KANK1: variants seen among roughly 807,000 people sequenced by gnomAD.
KANK1 encodes KN motif and ankyrin repeat domain-containing protein 1.
In KANK1, 109 loss-of-function variants were observed where a neutral mutation model predicts 106.2. The ratio of observed to expected loss-of-function variants is 1.03; its 90% CI spans 0.88 to 1.20. The LOEUF (loss-of-function observed/expected upper bound fraction) is 1.20. Among genes scored for constraint, KANK1 ranks in the 50% most tolerant of loss-of-function variants. The pLI, the probability that KANK1 is intolerant of heterozygous loss-of-function variation, is 0.00. For missense variants in KANK1, 2,399 were observed against 1,710.7 expected, an observed-to-expected ratio of 1.40 and a Z score of -7.10; for synonymous variants, 873 against 652.2, an observed-to-expected ratio of 1.34 and a Z score of -5.16.
At chr9:724,393 G>A (rs1830136369) in intron 3 of KANK1, among the ~76,000 whole-genome samples, 1 of 152,068 alleles carries the variant, frequency 6.6e-6, no homozygotes, top group African/African-American at 2.4e-5. Context: ...ATCTACTTTT[G>A]TATCTGTTTT....
intron 1 of KANK1, among the ~76,000 whole-genome samples, chr9:542,339 A>G (rs2060653907): frequency 6.6e-6 from 1 of 152,248 alleles, no homozygotes; most frequent in Non-Finnish European, 1.5e-5. Flanking sequence ...TCTCTACTAA[A>G]AAATACAAAA....
At chr9:581,075 A>ACCTACCCAGAACTCCTGG (rs891799222) in intron 1 of KANK1, among the ~76,000 whole-genome samples, 4 of 151,872 alleles carry the variant, frequency 2.6e-5, no homozygotes, top group Non-Finnish European at 5.9e-5. Context: ...CCGAGCCCAC[A>ACCTACCCAGAACTCCTGG]CCTACCCAGA....
intron 2 of KANK1, among the ~76,000 whole-genome samples, chr9:705,450 C>T (rs755149713): frequency 6.6e-6 from 1 of 152,134 alleles, no homozygotes; most frequent in Non-Finnish European, 1.5e-5. Flanking sequence ...GGCGCCACTG[C>T]ACTCTAGCAA....
chr9:612,719 T>C (rs1830861301), intron 1 of KANK1, among the ~76,000 whole-genome samples: 1 of 152,122 alleles, frequency 6.6e-6, no homozygotes, highest in African/African-American at 2.4e-5. Flanking sequence ...AAGCCGGACA[T>C]CTCAGGCGGC....
intron 1 of KANK1, among the ~76,000 whole-genome samples, chr9:604,901 T>C (rs549865409): frequency 2.0e-5 from 3 of 152,000 alleles, no homozygotes; most frequent in Admixed American, 2.0e-4. Flanking sequence ...TAAACCTTTT[T>C]TCTTCATAAA....
intron 1 of KANK1, among the ~76,000 whole-genome samples, chr9:634,839 T>A (rs763204990): frequency 6.6e-6 from 1 of 152,160 alleles, no homozygotes; most frequent in Non-Finnish European, 1.5e-5. Flanking sequence ...CCCACTGATA[T>A]CATTAGGGGC....
intron 1 of KANK1, among the ~76,000 whole-genome samples, chr9:625,673 C>T (rs1834170613): frequency 6.6e-6 from 1 of 151,950 alleles, no homozygotes; most frequent in Non-Finnish European, 1.5e-5. Context: ...CTGAAACAGC[C>T]CCCATAGAAA....
At chr9:546,478 G>C (rs2060934193) in intron 1 of KANK1, among the ~76,000 whole-genome samples, 1 of 152,128 alleles carries the variant, frequency 6.6e-6, no homozygotes. Flanking sequence ...GGCGGTCAGA[G>C]AGGGTGATAG....
rs575355822 is a variant in KANK1, at chr9:693,220, G to C, written c.37+16211G>C. Among the ~76,000 whole-genome samples the C allele has an allele frequency of 3.0e-4, 45 of 152,172 alleles. No homozygotes were observed. The South Asian group carries it at 8.9e-3, about 30-fold the overall frequency. ...TCTAATTATATGTTGCATTAAATAA[G>C]AAGAAACCAAAAAGGAACCACTTGC... is the stretch of plus-strand genomic sequence containing the variant. On this transcript the variant is annotated intron_variant, in intron 2 of 11. Coordinates refer to ENST00000382297, the MANE Select transcript of KANK1 (RefSeq NM_015158.5).
Position 580,089 on chromosome 9 carries a change from C to A in KANK1, c.-84+75335C>A, listed in dbSNP as rs9696248. ...AAGTTTGTTCCTTCTGATGTTCGTA[C>A]GTGTTCAGAGTTTCTTCATTCTGGT... On this transcript the variant is annotated intron_variant, in intron 1 of 11. Coordinates refer to ENST00000382297, the MANE Select transcript of KANK1 (RefSeq NM_015158.5). 4.5e-3 allele frequency among the ~76,000 whole-genome samples: 680 copies of A among 152,246 alleles called. 11 individuals carry two copies. Among genetic ancestry groups the A allele is most frequent in the African/African-American group, 0.015 (641 of 41,528 alleles).
intron 1 of KANK1, among the ~76,000 whole-genome samples, chr9:507,669 G>C (rs1458485377): frequency 6.6e-6 from 1 of 151,472 alleles, no homozygotes; most frequent in Non-Finnish European, 1.5e-5. Flanking sequence ...CGATTCTCGT[G>C]CCTCAGCCTC....
chr9:604,906 C>G (rs1828702788), intron 1 of KANK1, among the ~76,000 whole-genome samples: 1 of 151,838 alleles, frequency 6.6e-6, no homozygotes, highest in Non-Finnish European at 1.5e-5. Flanking sequence ...CTTTTTTCTT[C>G]ATAAATTGCT....
At chr9:571,385 T>A (rs1563788296) in intron 1 of KANK1, among the ~76,000 whole-genome samples, 5 of 152,218 alleles carry the variant, frequency 3.3e-5, no homozygotes, top group African/African-American at 1.2e-4. Context: ...GTTCCAGTGT[T>A]GGAGCCCTTT....
chr9:668,103 C>G (rs1368536516), intron 1 of KANK1, among the ~76,000 whole-genome samples: 1 of 151,362 alleles, frequency 6.6e-6, no homozygotes, highest in African/African-American at 2.5e-5. Context: ...ATGATTTCTA[C>G]TTTTAAAAAT....
chr9:686,786 C>T (rs951827412), intron 2 of KANK1: 13 of 985,236 alleles, frequency 1.3e-5, no homozygotes, highest in African/African-American at 3.5e-5. Context: ...GCATCACACA[C>T]GTGCTGGAGC....
intron 1 of KANK1, among the ~76,000 whole-genome samples, chr9:649,289 T>C (rs10156671): frequency 0.15 from 22,940 of 152,194 alleles, 1,912 homozygotes; most frequent in Admixed American, 0.18. Flanking sequence ...TTGCCTGTCC[T>C]GGTTTATGTC....
intron 1 of KANK1, among the ~76,000 whole-genome samples, chr9:528,961 A>G (rs1294497801): frequency 6.6e-6 from 1 of 151,936 alleles, no homozygotes; most frequent in Non-Finnish European, 1.5e-5. Flanking sequence ...CACCACGTCC[A>G]GCTAATTTAT....
intron 1 of KANK1, among the ~76,000 whole-genome samples, chr9:512,403 C>T (rs767627713): frequency 6.0e-4 from 91 of 152,034 alleles, no homozygotes; most frequent in Non-Finnish European, 1.1e-3. Flanking sequence ...GAATTCCCTC[C>T]AGCTCAGGGA....
At chr9:592,922 C>G (rs1008750865) in intron 1 of KANK1, among the ~76,000 whole-genome samples, 1 of 151,774 alleles carries the variant, frequency 6.6e-6, no homozygotes, top group African/African-American at 2.4e-5. Flanking sequence ...TGACTTGAGC[C>G]AAATTGCTCA....
Sources: gnomAD v4.1 joint callset for allele counts (sites outside exome capture counted in the v4.1 genomes callset) on GRCh38, gnomAD v4.1.1 for gene constraint, MANE v1.5 for transcripts, NCBI Gene and HGNC (gene_info 2026-07-23, HGNC 2026-07-21) for gene names.